Variants in ANKRD13A observed in about 807,000 individuals in gnomAD.
ANKRD13A encodes ankyrin repeat domain-containing protein 13A.
Under a neutral mutation model 81.3 loss-of-function variants are expected in ANKRD13A, and 48 were observed. The ratio of observed to expected loss-of-function variants is 0.59; its 90% CI spans 0.47 to 0.75. The LOEUF is 0.75. ANKRD13A is among the 30% of genes least tolerant of loss of function. The pLI is 0.00. For missense variants in ANKRD13A, 612 were observed against 734.0 expected, an observed-to-expected ratio of 0.83 and a Z score of 1.92; for synonymous variants, 230 against 270.1, an observed-to-expected ratio of 0.85 and a Z score of 1.45.
At chr12:110,010,396 T>G (rs1890458858) in intron 1 of ANKRD13A, among the ~76,000 whole-genome samples, 1 of 152,260 alleles carries the variant, frequency 6.6e-6, no homozygotes, top group South Asian at 2.1e-4. Context: ...ATTTCTTTCC[T>G]GCTAAACTTC....
intron 13 of ANKRD13A, among the ~76,000 whole-genome samples, 171 bp downstream of exon 13, chr12:110,034,128 T>C (rs1891878514): frequency 1.3e-5 from 2 of 152,246 alleles, no homozygotes; most frequent in African/African-American, 2.4e-5. Context: ...AAGCTTGTTA[T>C]GTAAGAGACC....
chr12:109,999,828 G>T lies in ANKRD13A; in HGVS notation c.96+44G>T. The T allele has an allele frequency of 6.8e-7, 1 of 1,475,280 alleles. No homozygotes were observed. 91.4% of individuals were successfully genotyped at this position (1,475,280 alleles called of 1,614,324 possible). The stretch of plus-strand genomic sequence containing the variant: ...GTCCGTCTCCCGGTGGGGACTTCGG[G>T]GAATCGGGGGTCGTTTCGCCTCCCT... On this transcript the variant is annotated intron_variant, in intron 1 of 14. Transcript: ENST00000261739. This position sits in a 1 kb window ranked among gnomAD's most constrained non-coding sequence, Gnocchi z 4.3.
intron 1 of ANKRD13A, among the ~76,000 whole-genome samples, chr12:110,003,204 G>T (rs1292902682): frequency 6.6e-6 from 1 of 152,218 alleles, no homozygotes; most frequent in Non-Finnish European, 1.5e-5. Flanking sequence ...GTTGTGTGAG[G>T]TGGAGGGTGG....
At chr12:110,016,323 C>T (rs994993851) in intron 3 of ANKRD13A, 65 bp from the exon 4 acceptor site, 2 of 1,234,866 alleles carry the variant, frequency 1.6e-6, no homozygotes, top group Non-Finnish European at 1.1e-6. Context: ...ACCCTGTTAA[C>T]CCCTGCTTAT....
chr12:110,036,145 T>C lies in ANKRD13A; in HGVS notation c.1510-116T>C, dbSNP rs1044572386. The C allele has an allele frequency of 7.2e-6, 7 of 971,238 alleles. No homozygotes were observed. Among genetic ancestry groups the C allele is most frequent in the Admixed American group, 5.3e-5 (3 of 56,634 alleles). 60.2% of individuals were successfully genotyped at this position (971,238 alleles called of 1,614,324 possible). Reference sequence around the variant, plus strand: ...CCTGTTAGCTTTTCACACAGCACTATTGATAATGGTCATGGAAAGACTTTT... The same window carrying C: ...CCTGTTAGCTTTTCACACAGCACTACTGATAATGGTCATGGAAAGACTTTT... On this transcript the variant is annotated intron_variant, in intron 13 of 14. Transcript: ENST00000261739. This position sits in a 1 kb window ranked among gnomAD's most constrained non-coding sequence, Gnocchi z 4.6.
chr12:110,016,545 T>C, intron 4 of ANKRD13A, 112 bp downstream of exon 4: 1 of 1,010,484 alleles, frequency 9.9e-7, no homozygotes, highest in Non-Finnish European at 1.4e-6. Flanking sequence ...GTCAAGGAAA[T>C]ACATAGTGAA....
In ANKRD13A at chr12:110,025,812, A is replaced by C; in HGVS notation, c.872A>C (p.Lys291Thr). The C allele has an allele frequency of 6.2e-7, 1 of 1,613,748 alleles. No individual in the cohort carries two copies. The highest frequency in any genetic ancestry group is 8.5e-7 in the Non-Finnish European group (1 of 1,179,724). The change falls in exon 8 of 15, where the codon AAG becomes ACG. Residue 291 changes from lysine to threonine, a missense_variant. Physicochemically the swap from Lys to Thr is moderately conservative, Grantham distance 78. Coordinates refer to ENST00000261739, the MANE Select transcript of ANKRD13A (RefSeq NM_033121.2). Reference protein sequence around the residue: ...RTEHLTEEEKKRYKADRNPLE... With the variant: ...RTEHLTEEEKTRYKADRNPLE... ...GAACATCTGACCGAGGAGGAAAAAA[A>C]GAGATATAAAGGTAATCACCACCAC...
chr12:110,018,251 C>T lies in ANKRD13A; in HGVS notation c.401-94C>T. On this transcript the variant is annotated intron_variant, in intron 4 of 14. Coordinates refer to ENST00000261739, the MANE Select transcript of ANKRD13A (RefSeq NM_033121.2). This position sits in a 1 kb window ranked among gnomAD's most constrained non-coding sequence, Gnocchi z 4.4. ...GTTTGATGGTCACCATCTTGCCACT[C>T]CCCTCCTTTTATTAAATCAGAATCC... 3 of 1,360,612 alleles carry T rather than the reference C, an allele frequency of 2.2e-6. No homozygotes were observed. Among genetic ancestry groups the T allele is most frequent in the Non-Finnish European group, 3.0e-6 (3 of 992,348 alleles). 84.3% of individuals were successfully genotyped at this position (1,360,612 alleles called of 1,614,324 possible).
chr12:110,038,018 T>C lies in ANKRD13A; in HGVS notation c.*464T>C, dbSNP rs557446047. 8 of 154,568 alleles carry C rather than the reference T, an allele frequency of 5.2e-5. No homozygotes were observed. The South Asian group carries it at 1.6e-3, about 31-fold the overall frequency. The allele number at this position is 154,568 out of a possible 1,614,324, so 9.6% of individuals were successfully genotyped here. A position where few individuals can be genotyped will look rare whatever the true frequency, so the allele number is the denominator to read the frequency against. ...ACTTCTTTACTGTTCACCAAAGAAA[T>C]GGGTAATCTGTGCTGATCTCCTTAT... On this transcript the variant is annotated 3_prime_UTR_variant, in exon 15 of 15. Transcript: ENST00000261739.
rs772210093 is a variant in ANKRD13A at position 110,012,128 on chromosome 12, G to A, written c.220G>A (p.Gly74Arg). The change falls in exon 2 of 15, where the codon GGA becomes AGA. Residue 74 changes from glycine to arginine, a missense_variant. Coordinates refer to ENST00000261739, the MANE Select transcript of ANKRD13A (RefSeq NM_033121.2). ...AGATGTGACAAAAGAAAATCGCCAG[G>A]GATGGACAGGTAAGTATACTTTTAC... ...KADVTKENRQGWTVLHEAVST... is the reference protein window; with the variant it reads ...KADVTKENRQRWTVLHEAVST... The A allele has an allele frequency of 7.5e-6, 12 of 1,609,388 alleles. No homozygotes were observed. Among genetic ancestry groups the A allele is most frequent in the African/African-American group, 1.3e-5 (1 of 74,860 alleles).
Position 110,029,370 on chromosome 12 carries a change from G to A in ANKRD13A, c.1077-108G>A. 3 of 1,190,358 alleles carry A rather than the reference G, an allele frequency of 2.5e-6. No individual in the cohort carries two copies. The South Asian group carries it at 4.3e-5, about 17-fold the overall frequency. 73.7% of individuals were successfully genotyped at this position (1,190,358 alleles called of 1,614,324 possible). A position where few individuals can be genotyped will look rare whatever the true frequency, so the allele number is the denominator to read the frequency against. ...ATAGGTCTGAATTAAGAGATGACTG[G>A]GCAGAGTGTGGAGTAAAGCTGCTGT... is the stretch of plus-strand genomic sequence containing the variant. On this transcript the variant is annotated intron_variant, in intron 10 of 14. Transcript: ENST00000261739.
intron 10 of ANKRD13A, 33 bp from the exon 11 acceptor site, chr12:110,029,440 GGAGAT>G (rs770555876): frequency 6.3e-7 from 1 of 1,597,346 alleles, no homozygotes; most frequent in South Asian, 1.1e-5. Context: ...CCCATCTGGT[GGAGAT>G]GACCTCAGTC....
chr12:110,017,976 A>G (rs7954480), intron 4 of ANKRD13A, among the ~76,000 whole-genome samples: 102 of 152,226 alleles, frequency 6.7e-4, no homozygotes, highest in African/African-American at 2.0e-3. Flanking sequence ...GATACTCTGA[A>G]TGGTGGATAT....
In ANKRD13A at chr12:110,018,562, C is replaced by T; in HGVS notation, c.544+74C>T. ...TGATTTTTAACCAAGAAAATGCTTT[C>T]ACATTCATGTGACTTTTCTGTCTGA... On this transcript the variant is annotated intron_variant, in intron 5 of 14. Transcript: ENST00000261739. This position sits in a 1 kb window ranked among gnomAD's most constrained non-coding sequence, Gnocchi z 4.4. 1 of 1,543,150 alleles carries T rather than the reference C, an allele frequency of 6.5e-7. No individual in the cohort carries two copies. Among genetic ancestry groups the T allele is most frequent in the Admixed American group, 1.8e-5 (1 of 55,338 alleles).
chr12:110,009,306 C>T (rs1890391154), intron 1 of ANKRD13A, among the ~76,000 whole-genome samples: 1 of 152,160 alleles, frequency 6.6e-6, no homozygotes, highest in Non-Finnish European at 1.5e-5. Flanking sequence ...GTCTCGAACT[C>T]CCGACCTCTA....
At chr12:110,029,430 C>T (rs1281651834) in intron 10 of ANKRD13A, 48 bp from the exon 11 acceptor site, 35 of 1,589,402 alleles carry the variant, frequency 2.2e-5, no homozygotes, top group Non-Finnish European at 3.0e-5. Context: ...ATCTCCTTTT[C>T]CCATCTGGTG....
intron 1 of ANKRD13A, among the ~76,000 whole-genome samples, chr12:110,008,622 TGC>T: frequency 6.6e-6 from 1 of 152,322 alleles, no homozygotes; most frequent in African/African-American, 2.4e-5. Context: ...TGGTGGCTCG[TGC>T]CTGTAATCCC....
In ANKRD13A at chr12:110,037,679, T is replaced by A. The variant is rs1892148195; in HGVS notation, c.*125T>A. On this transcript the variant is annotated 3_prime_UTR_variant, in exon 15 of 15. Transcript: ENST00000261739. ...GCATGCAGCAGGCAACAACTGCCCC[T>A]TCTTTATGCAGAGGTGCAGAACCAG... 1 of 972,618 alleles carries A rather than the reference T, an allele frequency of 1.0e-6. No individual in the cohort carries two copies. The highest frequency in any genetic ancestry group is 1.6e-5 in the African/African-American group (1 of 60,742). 60.2% of individuals were successfully genotyped at this position (972,618 alleles called of 1,614,324 possible).
At position 110,027,718 on chromosome 12, in the gene ANKRD13A, G is replaced by T; in HGVS notation, c.897G>T (p.Pro299=). 1.2e-6 allele frequency: 2 copies of T among 1,614,060 alleles called. No individual in the cohort carries two copies. The highest frequency in any genetic ancestry group is 1.7e-6 in the Non-Finnish European group (2 of 1,179,984). Residue 299 remains proline, a synonymous_variant, in exon 9 of 15, where the codon CCG becomes CCT. Transcript: ENST00000261739. ...ACCCCTCTGTAGCAGACAGGAACCCGCTGGAATCTTTGCTGGGAACTGTGG... is the reference window on the plus strand; with the variant it reads ...ACCCCTCTGTAGCAGACAGGAACCCTCTGGAATCTTTGCTGGGAACTGTGG... ...EKKRYKADRN[P]LESLLGTVEH...
Sources: allele counts gnomAD v4.1 joint callset (sites outside exome capture counted in the v4.1 genomes callset), GRCh38; gene constraint gnomAD v4.1.1; non-coding constraint Gnocchi (gnomAD v3.1); transcripts MANE v1.5; gene names NCBI Gene and HGNC (gene_info 2026-07-23, HGNC 2026-07-21).